Variants in SLC25A12 observed in about 807,000 individuals in gnomAD.
SLC25A12 encodes the protein electrogenic aspartate/glutamate antiporter SLC25A12, mitochondrial.
Under a neutral mutation model 83.3 loss-of-function variants are expected in SLC25A12, and 32 were observed. That is an observed-to-expected ratio of 0.38 (90% CI 0.29 to 0.52). SLC25A12 has a LOEUF of 0.52. Ranked by LOEUF, SLC25A12 falls within the 20% of genes least tolerant of loss-of-function variation. The probability of loss-of-function intolerance (pLI) is 0.84; values close to 1 mark genes in which losing one functional copy is unlikely to be tolerated. For synonymous variants in SLC25A12, 267 were observed against 291.1 expected, an observed-to-expected ratio of 0.92 and a Z score of 0.84; for missense variants, 611 against 835.6, an observed-to-expected ratio of 0.73 and a Z score of 3.31.
intron 9 of SLC25A12, among the ~76,000 whole-genome samples, chr2:171,825,064 C>T (rs1684273806): frequency 6.6e-6 from 1 of 152,146 alleles, no homozygotes; most frequent in Admixed American, 6.5e-5. Context: ...CTGCCTCAGG[C>T]TCCCAAATTG....
intron 2 of SLC25A12, among the ~76,000 whole-genome samples, chr2:171,885,711 A>T (rs2105931420): frequency 6.6e-6 from 1 of 152,098 alleles, no homozygotes; most frequent in East Asian, 1.9e-4. Flanking sequence ...ATAGGTTATC[A>T]TCTTCAATTT....
At chr2:171,868,303 G>A (rs1167232653) in intron 3 of SLC25A12, among the ~76,000 whole-genome samples, 3 of 136,244 alleles carry the variant, frequency 2.2e-5, no homozygotes, top group African/African-American at 7.9e-5. Flanking sequence ...AAGTTTGTGG[G>A]TTTTTTAATT....
At chr2:171,813,899 T>C (rs1027882649) in intron 10 of SLC25A12, among the ~76,000 whole-genome samples, 1 of 152,240 alleles carries the variant, frequency 6.6e-6, no homozygotes, top group African/African-American at 2.4e-5. Context: ...AAAATGACTA[T>C]ATCCGTACAC....
At chr2:171,831,704 G>A in intron 8 of SLC25A12, among the ~76,000 whole-genome samples, 1 of 152,066 alleles carries the variant, frequency 6.6e-6, no homozygotes. Flanking sequence ...TCAAAAGTTT[G>A]AGACCAGCCT....
chr2:171,797,048 C>T (rs1454592572), intron 13 of SLC25A12, among the ~76,000 whole-genome samples: 1 of 152,120 alleles, frequency 6.6e-6, no homozygotes, highest in Non-Finnish European at 1.5e-5. Context: ...CAGAGAAATA[C>T]CATATTTCTT....
At chr2:171,819,381 T>TA (rs1684131704) in intron 9 of SLC25A12, among the ~76,000 whole-genome samples, 2 of 42,236 alleles carry the variant, frequency 4.7e-5, no homozygotes, top group South Asian at 8.4e-4. Context: ...ATATATTATA[T>TA]ATAATATATA....
chr2:171,829,646 C>A (rs927063033), intron 8 of SLC25A12, among the ~76,000 whole-genome samples: 1 of 152,102 alleles, frequency 6.6e-6, no homozygotes, highest in East Asian at 1.9e-4. Flanking sequence ...AAATAACATA[C>A]AACAATGTAA....
intron 2 of SLC25A12, among the ~76,000 whole-genome samples, chr2:171,887,479 G>A (rs1373432917): frequency 1.3e-5 from 2 of 152,176 alleles, no homozygotes; most frequent in African/African-American, 2.4e-5. Context: ...TAAAAAGAGA[G>A]AGAGATTAAA....
intron 5 of SLC25A12, among the ~76,000 whole-genome samples, chr2:171,841,415 C>T (rs1684670823): frequency 6.6e-6 from 1 of 152,086 alleles, no homozygotes; most frequent in Non-Finnish European, 1.5e-5. Context: ...CTCGGTCACC[C>T]ACGCTGGAGT....
At chr2:171,816,989 T>C (rs1684061846) in intron 9 of SLC25A12, among the ~76,000 whole-genome samples, 1 of 152,106 alleles carries the variant, frequency 6.6e-6, no homozygotes. Context: ...GCCCTCATGA[T>C]AGGATTAGTG....
intron 4 of SLC25A12, among the ~76,000 whole-genome samples, chr2:171,854,628 G>C (rs3770443): frequency 0.092 from 14,009 of 152,130 alleles, 873 homozygotes; most frequent in Admixed American, 0.2. Flanking sequence ...TCATACAGAA[G>C]ATAGTTGAGT....
rs34276775 is a variant in SLC25A12 at position 171,875,910 on chromosome 2, C to CAAAAAAAA, written c.67-7095_67-7088dup. On this transcript the variant is annotated intron_variant, in intron 2 of 17. Transcript: ENST00000422440. ...CCTGGGCGAGCGCAAGACTCTGTCT[C>CAAAAAAAA]AAAAAAAAAAAAAAAAAAAAGAAAC... Among the ~76,000 whole-genome samples the CAAAAAAAA allele has an allele frequency of 6.1e-5, 6 of 98,990 alleles. 1 individual carries two copies. The highest frequency in any genetic ancestry group is 9.5e-5 in the Non-Finnish European group (5 of 52,846). The allele number at this position is 98,990 out of a possible 152,430, so 64.9% of individuals were successfully genotyped here.
At position 171,787,925 on chromosome 2, in the gene SLC25A12, C is replaced by T; in HGVS notation, c.1608G>A (p.Val536=). Residue 536 remains valine (V), a synonymous_variant, in exon 16 of 18, where the codon GTG becomes GTA. Coordinates refer to ENST00000422440, the MANE Select transcript of SLC25A12 (RefSeq NM_003705.5). ...TTGTCTTGATGACATCAGCAGGGGT[C>T]ACCAGAGATGCAGCTGGGACACCTT... is the stretch of plus-strand genomic sequence containing the variant. The part of the protein sequence containing the change: ...AMAGVPAASL[V]TPADVIKTRL... 1 of 1,614,198 alleles carries T rather than the reference C, an allele frequency of 6.2e-7. No homozygotes were observed.
chr2:171,875,930 A>AAG (rs56257948), intron 2 of SLC25A12, among the ~76,000 whole-genome samples: 7 of 150,972 alleles, frequency 4.6e-5, no homozygotes, highest in Admixed American at 3.3e-4. Flanking sequence ...AAAAAAAAAA[A>AAG]GAAACCTGCA....
intron 4 of SLC25A12, among the ~76,000 whole-genome samples, chr2:171,848,702 A>G (rs1209949547): frequency 6.6e-6 from 1 of 152,236 alleles, no homozygotes; most frequent in Non-Finnish European, 1.5e-5. Flanking sequence ...CATGGCATGT[A>G]GACTCAGTCC....
At chr2:171,796,630 C>G (rs1354307927) in intron 13 of SLC25A12, among the ~76,000 whole-genome samples, 3 of 152,018 alleles carry the variant, frequency 2.0e-5, no homozygotes, top group Non-Finnish European at 4.4e-5. Flanking sequence ...GGAGCAAGAC[C>G]CCTATCTCTT....
At chr2:171,809,729 T>C (rs756236370) in intron 12 of SLC25A12, 43 bp from the exon 13 acceptor site, 28 of 1,415,386 alleles carry the variant, frequency 2.0e-5, no homozygotes, top group Non-Finnish European at 2.7e-5. Flanking sequence ...TTCCCAACCA[T>C]TTCTCTTCTG....
chr2:171,869,222 G>A (rs566928702), intron 2 of SLC25A12, among the ~76,000 whole-genome samples: 1 of 152,264 alleles, frequency 6.6e-6, no homozygotes, highest in South Asian at 2.1e-4. Flanking sequence ...ATTTCTCTTT[G>A]GGGATGATGA....
chr2:171,867,129 G>A (rs1685344724), intron 3 of SLC25A12, among the ~76,000 whole-genome samples: 1 of 151,786 alleles, frequency 6.6e-6, no homozygotes, highest in South Asian at 2.1e-4. Context: ...GCCGGGCAGA[G>A]ACGCTCCTCA....
Sources: gnomAD v4.1 joint callset for allele counts (sites outside exome capture counted in the v4.1 genomes callset) on GRCh38, gnomAD v4.1.1 for gene constraint, MANE v1.5 for transcripts, NCBI Gene and HGNC (gene_info 2026-07-23, HGNC 2026-07-21) for gene names.